Variants in IKZF4 observed in about 807,000 individuals in gnomAD.
IKZF4 encodes zinc finger protein Eos.
Under a neutral mutation model 47.7 loss-of-function variants are expected in IKZF4, and 11 were observed. The ratio of observed to expected loss-of-function variants is 0.23; its 90% CI spans 0.15 to 0.38. The LOEUF (loss-of-function observed/expected upper bound fraction) is 0.38, where lower values mean the gene tolerates loss of function less well. IKZF4 is among the 10% of genes least tolerant of loss of function. The pLI is 1.00. For missense variants in IKZF4, 557 were observed against 784.9 expected, an observed-to-expected ratio of 0.71 and a Z score of 3.47; for synonymous variants, 298 against 299.4, an observed-to-expected ratio of 1.00 and a Z score of 0.05.
upstream of IKZF4, among the ~76,000 whole-genome samples, chr12:56,020,027 T>C (rs1421609933): frequency 6.6e-6 from 1 of 152,258 alleles, no homozygotes; most frequent in African/African-American, 2.4e-5. Flanking sequence ...TGGGCATAGC[T>C]GCGCTCATCA....
chr12:56,034,925 A>T lies in IKZF4; in HGVS notation c.1352A>T (p.Asn451Ile), dbSNP rs1238625045. 6.3e-7 allele frequency: 1 copy of T among 1,594,128 alleles called. No individual in the cohort carries two copies. Among genetic ancestry groups the T allele is most frequent in the Non-Finnish European group, 8.6e-7 (1 of 1,167,778 alleles). ...PLTDPGASPS[N>I]GCQDSTDTES... ...ACTGACCCTGGGGCATCCCCCAGCA[A>T]TGGCTGCCAGGACTCCACAGACACA... Residue 451 changes from asparagine to isoleucine, a missense_variant, in exon 8 of 8, where the codon AAT becomes ATT. Around this residue, in one of 6 missense-constraint regions of IKZF4, gnomAD observed 280 missense variants for 314.0 expected, o/e 0.89. Coordinates refer to ENST00000547167, the MANE Select transcript of IKZF4 (RefSeq NM_022465.4).
chr12:56,016,404 ATTT>A (rs1318724297), upstream of IKZF4, among the ~76,000 whole-genome samples: 2 of 144,786 alleles, frequency 1.4e-5, no homozygotes, highest in African/African-American at 5.1e-5. Flanking sequence ...GGGGAATGCA[ATTT>A]TCTTTTTTTT....
rs201767641 is a variant in IKZF4 at position 56,021,510 on chromosome 12, C to T, written c.17C>T (p.Ala6Val). 1.0e-4 allele frequency: 167 copies of T among 1,605,440 alleles called. No homozygotes were observed. Among genetic ancestry groups the T allele is most frequent in the Non-Finnish European group, 1.4e-4 (164 of 1,176,684 alleles). Residue 6 changes from alanine (A) to valine (V), a missense_variant, in exon 1 of 8, where the codon GCA becomes GTA. By Grantham distance (64) the Ala-to-Val change is moderately conservative. Around this residue, in one of 6 missense-constraint regions of IKZF4, gnomAD observed 44 missense variants for 39.7 expected, o/e 1.11. Transcript: ENST00000547167. ...GACGCAGACATGCATACACCACCCG[C>T]ACTCCCTCGCCGTTTCCAAGGCGGC... MHTPP[A>V]LPRRFQGGGR...
intron 1 of IKZF4, among the ~76,000 whole-genome samples, chr12:56,022,102 G>T (rs1021304714): frequency 2.0e-5 from 3 of 152,136 alleles, no homozygotes; most frequent in Admixed American, 2.0e-4. Flanking sequence ...GTCAAGAAAG[G>T]GAAAGCAGTT....
intron 5 of IKZF4, among the ~76,000 whole-genome samples, chr12:56,031,048 T>C (rs1351739963): frequency 6.6e-6 from 1 of 151,690 alleles, no homozygotes; most frequent in Admixed American, 6.6e-5. Flanking sequence ...GGTCAGGAGA[T>C]TGAGACCATC....
At chr12:56,027,694 G>A in intron 4 of IKZF4, 86 bp from the exon 5 acceptor site, 1 of 1,410,488 alleles carries the variant, frequency 7.1e-7, no homozygotes, top group Non-Finnish European at 9.8e-7. Flanking sequence ...CTTCCCTTGG[G>A]CAAGGTAGGG....
chr12:56,037,819 TC>T lies in IKZF4; in HGVS notation c.*2491del, dbSNP rs1895744270. 6.7e-6 allele frequency: 1 copy of T among 149,990 alleles called. No homozygotes were observed. Among genetic ancestry groups the T allele is most frequent in the Non-Finnish European group, 1.5e-5 (1 of 67,600 alleles). 9.3% of individuals were successfully genotyped at this position (149,990 alleles called of 1,614,324 possible). On this transcript the variant is annotated 3_prime_UTR_variant, in exon 8 of 8. Transcript: ENST00000547167. ...GAACCTCAAACATCCTCATGCTCTCTCCCAGCTCCTTTTGCATAAAAAAAAA... is the reference window on the plus strand; with the variant it reads ...GAACCTCAAACATCCTCATGCTCTCTCCAGCTCCTTTTGCATAAAAAAAAA...
chr12:56,033,563 C>T (rs1056514340), intron 7 of IKZF4, among the ~76,000 whole-genome samples: 7 of 151,934 alleles, frequency 4.6e-5, no homozygotes, highest in African/African-American at 1.2e-4. Flanking sequence ...AAAAATTAGC[C>T]GGGCGTGGTG....
intron 5 of IKZF4, 184 bp from the exon 6 acceptor site, chr12:56,032,377 A>G: frequency 1.7e-6 from 1 of 604,870 alleles, no homozygotes; most frequent in Non-Finnish European, 2.8e-6. Flanking sequence ...ATCCTTCATC[A>G]TCAAATATTG....
At chr12:56,030,724 C>T (rs772627087) in intron 5 of IKZF4, among the ~76,000 whole-genome samples, 57 of 148,202 alleles carry the variant, frequency 3.8e-4, no homozygotes, top group Non-Finnish European at 2.4e-4. Context: ...GGTGAAACTC[C>T]GTCTCAAAAA....
At chr12:56,033,431 G>A (rs1895181033) in intron 7 of IKZF4, 110 bp downstream of exon 7, 2 of 1,395,506 alleles carry the variant, frequency 1.4e-6, no homozygotes, top group Non-Finnish European at 2.0e-6. Flanking sequence ...TGGTGGGCTG[G>A]GTGCAGTGGC....
At chr12:56,032,194 G>A (rs751377996) in intron 5 of IKZF4, 1 of 192,632 alleles carries the variant, frequency 5.2e-6, no homozygotes, top group Non-Finnish European at 1.1e-5. Flanking sequence ...CCACAGTCTG[G>A]GCCCCAGACT....
At chr12:56,027,264 G>A (rs11171725) in intron 4 of IKZF4, among the ~76,000 whole-genome samples, 162 of 152,186 alleles carry the variant, frequency 1.1e-3, no homozygotes, top group African/African-American at 3.7e-3. Context: ...TAGTTTCCTG[G>A]CACTCTCCTC....
chr12:56,034,742 A>G lies in IKZF4; in HGVS notation c.1169A>G (p.Asn390Ser), dbSNP rs1475008179. 4.3e-6 allele frequency: 7 copies of G among 1,613,794 alleles called. No homozygotes were observed. Among genetic ancestry groups the G allele is most frequent in the South Asian group, 2.2e-5 (2 of 91,084 alleles). Reference sequence around the variant, plus strand: ...CGTCCCCTCCGCCTTCCACCCACCAATTGCATCTCAGAACTCACGCCTGTC... The same window carrying G: ...CGTCCCCTCCGCCTTCCACCCACCAGTTGCATCTCAGAACTCACGCCTGTC... ...HLRPLRLPPT[N>S]CISELTPVIS... is the part of the protein sequence containing the mutation. The change falls in exon 8 of 8, where the codon AAT (asparagine) becomes AGT (serine). Residue 390 changes from asparagine (N) to serine (S), a missense_variant. By Grantham distance (46) the Asn-to-Ser change is conservative. Around this residue, in one of 6 missense-constraint regions of IKZF4, gnomAD observed 280 missense variants for 314.0 expected, o/e 0.89. Coordinates refer to ENST00000547167, the MANE Select transcript of IKZF4 (RefSeq NM_022465.4).
upstream of IKZF4, among the ~76,000 whole-genome samples, chr12:56,017,238 C>G (rs1041030340): frequency 2.1e-5 from 3 of 143,322 alleles, no homozygotes; most frequent in African/African-American, 2.6e-5. Flanking sequence ...CCCCGCCCCC[C>G]CCGTCCTTTT....
chr12:56,032,553 C>A lies in IKZF4; in HGVS notation c.716-8C>A. 1 of 1,609,046 alleles carries A rather than the reference C, an allele frequency of 6.2e-7. No homozygotes were observed. The highest frequency in any genetic ancestry group is 2.2e-5 in the East Asian group (1 of 44,774). On this transcript the variant is annotated splice_region_variant and splice_polypyrimidine_tract_variant and intron_variant, in intron 5 of 7. Coordinates refer to ENST00000547167, the MANE Select transcript of IKZF4 (RefSeq NM_022465.4). ...GCTCTGATGCCATCTTTCCACTCTC[C>A]TCCACAGTCTCCTCTCCCACAGTGG...
At chr12:56,017,045 G>A (rs968536947), upstream of IKZF4, among the ~76,000 whole-genome samples, 1 of 151,942 alleles carries the variant, frequency 6.6e-6, no homozygotes, top group African/African-American at 2.4e-5. Context: ...TTGGAGGTAT[G>A]TAAATTTCCA....
Position 56,038,160 on chromosome 12 carries a change from C to T in IKZF4, c.*2829C>T, listed in dbSNP as rs989754185. ...GCAATACCACCTCTCTTCTCCCTCT[C>T]TCCTAGGGTTTCCTTTGTAGCCTAT... On this transcript the variant is annotated 3_prime_UTR_variant, in exon 8 of 8. Transcript: ENST00000547167. 1 of 152,218 alleles carries T rather than the reference C, an allele frequency of 6.6e-6. No homozygotes were observed. Among genetic ancestry groups the T allele is most frequent in the Admixed American group, 6.6e-5 (1 of 15,228 alleles). 9.4% of individuals were successfully genotyped at this position (152,218 alleles called of 1,614,324 possible).
intron 2 of IKZF4, 84 bp from the exon 3 acceptor site, chr12:56,024,970 A>G (rs1332688304): frequency 5.8e-6 from 9 of 1,546,716 alleles, no homozygotes; most frequent in Non-Finnish European, 7.8e-6. Flanking sequence ...GTGAAATTTA[A>G]CTGAATTTTT....
Sources: allele counts gnomAD v4.1 joint callset (sites outside exome capture counted in the v4.1 genomes callset), GRCh38; gene constraint gnomAD v4.1.1; regional missense constraint gnomAD v4.1.1; transcripts MANE v1.5; gene names NCBI Gene and HGNC (gene_info 2026-07-23, HGNC 2026-07-21).